Variants in RNLS observed in about 807,000 individuals in gnomAD.
The protein encoded by RNLS is renalase.
A neutral mutation model predicts 39.8 loss-of-function variants in RNLS; 39 were observed. The ratio of observed to expected loss-of-function variants is 0.98; its 90% confidence interval spans 0.76 to 1.28. The LOEUF is 1.28. Ranked by LOEUF, RNLS falls within the 50% of genes most tolerant of loss-of-function variation. RNLS has a pLI of 0.00. For missense variants in RNLS, 410 were observed against 413.3 expected (o/e 0.99, Z 0.07); for synonymous variants, 147 against 150.7 (o/e 0.98, Z 0.18).
intron 4 of RNLS, among the ~76,000 whole-genome samples, chr10:88,567,822 C>T (rs1358647965): frequency 6.6e-6 from 1 of 152,212 alleles, no homozygotes; most frequent in Non-Finnish European, 1.5e-5. Flanking sequence ...ACAATTTCTT[C>T]TATAGTTCTA....
chr10:88,553,882 G>A (rs549516267), intron 4 of RNLS, among the ~76,000 whole-genome samples: 1 of 152,070 alleles, frequency 6.6e-6, no homozygotes, highest in East Asian at 1.9e-4. Context: ...ATTCAGTTTT[G>A]TCTTTTCTGT....
intron 6 of RNLS, among the ~76,000 whole-genome samples, chr10:88,276,157 G>C (rs1842805968): frequency 6.6e-6 from 1 of 152,082 alleles, no homozygotes; most frequent in African/African-American, 2.4e-5. Context: ...TTAAAAAATT[G>C]AGCTAAAATT....
At chr10:88,322,085 A>G in intron 5 of RNLS, among the ~76,000 whole-genome samples, 1 of 152,226 alleles carries the variant, frequency 6.6e-6, no homozygotes, top group Non-Finnish European at 1.5e-5. Flanking sequence ...CTGCACATCA[A>G]AAAGATATTT....
the RNLS span, among the ~76,000 whole-genome samples, chr10:88,228,328 CG>C: frequency 2.0e-5 from 3 of 152,166 alleles, no homozygotes; most frequent in Non-Finnish European, 4.4e-5. Flanking sequence ...TCAGCAATCA[CG>C]GGTTTTTCAT....
intron 4 of RNLS, among the ~76,000 whole-genome samples, chr10:88,537,723 G>T (rs1373266315): frequency 1.3e-5 from 2 of 152,250 alleles, no homozygotes; most frequent in Admixed American, 6.5e-5. Flanking sequence ...AGAGTTAGGG[G>T]CTGGAAGGGA....
chr10:88,441,610 G>A (rs1294034991), intron 4 of RNLS, among the ~76,000 whole-genome samples: 1 of 152,164 alleles, frequency 6.6e-6, no homozygotes, highest in Non-Finnish European at 1.5e-5. Context: ...AGTGAAGCCT[G>A]GGTGCGCTCT....
chr10:88,207,060 AT>A, the RNLS span, among the ~76,000 whole-genome samples: 1 of 152,152 alleles, frequency 6.6e-6, no homozygotes. Flanking sequence ...GATTTTTAGC[AT>A]TTTAAAACGG....
chr10:88,275,019 C>T (rs777109710), exon 7 of RNLS: 1 of 1,613,162 alleles, frequency 6.2e-7, no homozygotes, highest in South Asian at 1.1e-5. Flanking sequence ...TAGAATCACA[C>T]CAGCACTTGG....
chr10:88,547,875 T>C (rs1443401519), intron 4 of RNLS, among the ~76,000 whole-genome samples: 1 of 152,136 alleles, frequency 6.6e-6, no homozygotes, highest in Non-Finnish European at 1.5e-5. Flanking sequence ...AAACATCACA[T>C]TGTACCCCAT....
chr10:88,377,578 C>T (rs761971505), intron 4 of RNLS, among the ~76,000 whole-genome samples: 8 of 152,054 alleles, frequency 5.3e-5, no homozygotes, highest in Admixed American at 1.3e-4. Flanking sequence ...ACACATGTTA[C>T]GTATTTGTGT....
downstream of RNLS, among the ~76,000 whole-genome samples, chr10:88,283,604 A>T (rs1300988754): frequency 6.6e-6 from 1 of 152,214 alleles, no homozygotes; most frequent in African/African-American, 2.4e-5. Context: ...TGTGGTACAT[A>T]CATAGCATGG....
chr10:88,544,649 G>T (rs544869829), intron 4 of RNLS, among the ~76,000 whole-genome samples: 1 of 152,142 alleles, frequency 6.6e-6, no homozygotes, highest in Non-Finnish European at 1.5e-5. Context: ...TGTGGCCTGT[G>T]GGTAAGCAAC....
the RNLS span, among the ~76,000 whole-genome samples, chr10:88,214,498 CAAAAAAAAAAA>C: frequency 2.3e-4 from 31 of 135,130 alleles, no homozygotes; most frequent in East Asian, 6.6e-4. Flanking sequence ...GACTCCGTCT[CAAAAAAAAAAA>C]AAAAAAAAAA....
Position 88,314,468 on chromosome 10 carries a change from G to A in RNLS, c.874C>T (p.Gln292Ter). ...ATKCQKWRHS[Q>*]VTNAAANCPG... Reference sequence around the variant, plus strand: ...AGACCACTGGATTCTTTGATTACCTGTGAATGTCTCCATTTTTGGCATTTG... The same window carrying A: ...AGACCACTGGATTCTTTGATTACCTATGAATGTCTCCATTTTTGGCATTTG... Residue 292 changes from glutamine to a stop codon, truncating the protein, a stop_gained and splice_region_variant, in exon 6 of 7, where the codon CAG becomes TAG. Transcript: ENST00000331772. LOFTEE classifies it high-confidence loss of function. 1.9e-6 allele frequency: 3 copies of A among 1,613,716 alleles called. No homozygotes were observed. The highest frequency in any genetic ancestry group is 2.5e-6 in the Non-Finnish European group (3 of 1,179,700).
At chr10:88,264,422 T>A in the RNLS span, among the ~76,000 whole-genome samples, 4 of 152,342 alleles carry the variant, frequency 2.6e-5, no homozygotes, top group East Asian at 5.8e-4. Flanking sequence ...GTTGTACTAG[T>A]TTACATTTCT....
chr10:88,510,396 T>C (rs1231418873), intron 4 of RNLS, among the ~76,000 whole-genome samples: 1 of 152,114 alleles, frequency 6.6e-6, no homozygotes, highest in Non-Finnish European at 1.5e-5. Flanking sequence ...TTTTTAATAG[T>C]GTCCCTTAAA....
chr10:88,363,809 T>A (rs1849823603), intron 4 of RNLS, among the ~76,000 whole-genome samples: 1 of 152,202 alleles, frequency 6.6e-6, no homozygotes, highest in Admixed American at 6.6e-5. Context: ...CTGGTCAAAC[T>A]ACTTAATTGC....
At chr10:88,560,226 A>G (rs1646277440) in intron 4 of RNLS, among the ~76,000 whole-genome samples, 1 of 152,212 alleles carries the variant, frequency 6.6e-6, no homozygotes, top group African/African-American at 2.4e-5. Flanking sequence ...AAGATATATT[A>G]GTAAAGATAT....
chr10:88,287,991 T>C (rs1843398074), intron 6 of RNLS, among the ~76,000 whole-genome samples: 1 of 152,098 alleles, frequency 6.6e-6, no homozygotes, highest in Non-Finnish European at 1.5e-5. Context: ...CCTGGCAGAC[T>C]GGGGCAATTA....
Sources: allele counts gnomAD v4.1 joint callset (sites outside exome capture counted in the v4.1 genomes callset), GRCh38; gene constraint gnomAD v4.1.1; transcripts MANE v1.5; gene names NCBI Gene and HGNC (gene_info 2026-07-23, HGNC 2026-07-21).